NCR1: variants seen among roughly 807,000 people sequenced by gnomAD.
The protein encoded by NCR1 is NK cell-activating receptor.
In NCR1, 30 loss-of-function variants were observed where a neutral mutation model predicts 32.5. The observed-to-expected ratio is 0.92, with a 90% CI of 0.69 to 1.25. The LOEUF is 1.25. Among genes scored for constraint, NCR1 ranks in the 50% most tolerant of loss-of-function variants. The pLI is 0.00. For synonymous variants in NCR1, 169 were observed against 143.4 expected, an observed-to-expected ratio of 1.18 and a Z score of -1.28; for missense variants, 369 against 380.7, an observed-to-expected ratio of 0.97 and a Z score of 0.26.
chr19:54,916,317 C>CTTTTCTTTTTTTTTTTTTTTTTTTTT (rs2068130933), downstream of NCR1, among the ~76,000 whole-genome samples: 1 of 87,124 alleles, frequency 1.1e-5, no homozygotes, highest in African/African-American at 4.5e-5. Context: ...GAATATTGTG[C>CTTTTCTTTTTTTTTTTTTTTTTTTTT]TTTTTTTTTT....
In NCR1 at chr19:54,912,715, C is replaced by T; in HGVS notation, c.759C>T (p.Ala253=). Residue 253 remains alanine (A), a synonymous_variant, in exon 7 of 7, where the codon GCC becomes GCT. Transcript: ENST00000291890. ...QKDHALWDHT[A]QNLLRMGLAF... is the part of the protein sequence containing the mutation. Reference sequence around the variant, plus strand: ...ACCATGCCCTCTGGGATCACACTGCCCAGAATCTCCTTCGGATGGGCCTGG... The same window carrying T: ...ACCATGCCCTCTGGGATCACACTGCTCAGAATCTCCTTCGGATGGGCCTGG... The T allele has an allele frequency of 6.2e-7, 1 of 1,613,472 alleles. No individual in the cohort carries two copies. The highest frequency in any genetic ancestry group is 8.5e-7 in the Non-Finnish European group (1 of 1,179,798).
chr19:54,916,697 GTTCTATT>G (rs2068141757), downstream of NCR1, among the ~76,000 whole-genome samples: 3 of 112,448 alleles, frequency 2.7e-5, no homozygotes, highest in African/African-American at 1.0e-4. Flanking sequence ...GAGATCAACT[GTTCTATT>G]TTTTTTTTTT....
Position 54,912,759 on chromosome 19 carries a change from C to T in NCR1, c.803C>T (p.Ala268Val), listed in dbSNP as rs2068041156. ...GGCCTGGCCTTTCTAGTCCTGGTGG[C>T]TCTAGTGTGGTTCCTGGTTGAAGAC... ...RMGLAFLVLV[A>V]LVWFLVEDWL... The change falls in exon 7 of 7, where the codon GCT becomes GTT. Residue 268 changes from alanine to valine, a missense_variant. Physicochemically the swap from Ala to Val is moderately conservative, Grantham distance 64. Transcript: ENST00000291890. 1 of 1,614,028 alleles carries T rather than the reference C, an allele frequency of 6.2e-7. No individual in the cohort carries two copies. Among genetic ancestry groups the T allele is most frequent in the South Asian group, 1.1e-5 (1 of 91,078 alleles).
the NCR1 span, among the ~76,000 whole-genome samples, chr19:54,923,167 C>A: frequency 6.6e-6 from 1 of 152,204 alleles, no homozygotes; most frequent in Non-Finnish European, 1.5e-5. Context: ...GAAGCCTCCG[C>A]AGGTGCCAGC....
At chr19:54,929,815 A>G in the NCR1 span, among the ~76,000 whole-genome samples, 3,667 of 152,208 alleles carry the variant, frequency 0.024, 163 homozygotes, top group African/African-American at 0.083. Context: ...AGTCTGAGAT[A>G]TTGAAAACAT....
At chr19:54,903,375 CATGTATGTATATACATATATGTAT>C, upstream of NCR1, among the ~76,000 whole-genome samples, 1 of 119,104 alleles carries the variant, frequency 8.4e-6, no homozygotes, top group South Asian at 2.5e-4. Context: ...TGTATATATA[CATGTATGTATATACATATATGTAT>C]ATGTATGTAT....
At chr19:54,922,754 G>A in the NCR1 span, among the ~76,000 whole-genome samples, 2 of 133,390 alleles carry the variant, frequency 1.5e-5, no homozygotes, top group South Asian at 5.0e-4. Context: ...CTCCAGCATG[G>A]GCGACAAGAG....
At chr19:54,925,982 A>C in the NCR1 span, among the ~76,000 whole-genome samples, 3 of 151,906 alleles carry the variant, frequency 2.0e-5, no homozygotes, top group Non-Finnish European at 4.4e-5. Flanking sequence ...CCTGGGCGAC[A>C]GAGACTGGAG....
chr19:54,903,344 A>G (rs1314736234), upstream of NCR1, among the ~76,000 whole-genome samples: 2 of 119,466 alleles, frequency 1.7e-5, no homozygotes, highest in Admixed American at 9.0e-5. Context: ...ATGTATATAC[A>G]TATATGCATA....
chr19:54,902,877 C>T (rs1320628806), upstream of NCR1, among the ~76,000 whole-genome samples: 2 of 152,138 alleles, frequency 1.3e-5, no homozygotes, highest in East Asian at 1.9e-4. Flanking sequence ...CGCCTGTAAT[C>T]CCAGCACTTT....
the NCR1 span, among the ~76,000 whole-genome samples, chr19:54,931,338 C>T: frequency 1.1e-4 from 16 of 152,004 alleles, no homozygotes; most frequent in African/African-American, 3.6e-4. Context: ...GTGGGTGAAT[C>T]ACAAGATCAG....
chr19:54,928,672 G>A, the NCR1 span, among the ~76,000 whole-genome samples: 1 of 152,190 alleles, frequency 6.6e-6, no homozygotes, highest in African/African-American at 2.4e-5. Flanking sequence ...GGTAGATCAT[G>A]AACCAGCATG....
the NCR1 span, chr19:54,934,792 C>T: frequency 1.3e-5 from 9 of 692,790 alleles, no homozygotes; most frequent in African/African-American, 1.1e-4. This position sits in a 1 kb window ranked among gnomAD's most constrained non-coding sequence, Gnocchi z 6.7. Flanking sequence ...TCACTGCAGC[C>T]TCCGCCTCCC....
chr19:54,906,801 G>A lies in NCR1; in HGVS notation c.349G>A (p.Val117Ile). 6.2e-7 allele frequency: 1 copy of A among 1,614,016 alleles called. No individual in the cohort carries two copies. The highest frequency in any genetic ancestry group is 8.5e-7 in the Non-Finnish European group (1 of 1,179,960). The change falls in exon 3 of 7, where the codon GTA (valine) becomes ATA (isoleucine). Residue 117 changes from valine (V) to isoleucine (I), a missense_variant. Val to Ile is a conservative substitution (Grantham distance 29, BLOSUM62 3). Transcript: ENST00000291890. ...GCCCAGCAACTTGCTGGATCTGGTG[G>A]TAACAGGTAACTGTCCGGTTCTCTA... ...SEPSNLLDLV[V>I]TEMYDTPTLS...
the NCR1 span, among the ~76,000 whole-genome samples, chr19:54,900,355 G>C: frequency 3.3e-5 from 5 of 152,178 alleles, no homozygotes; most frequent in Non-Finnish European, 7.3e-5. Flanking sequence ...ACAGTCAAAA[G>C]GGGGTTGTTC....
downstream of NCR1, among the ~76,000 whole-genome samples, chr19:54,918,982 T>TA (rs34795470): frequency 0.022 from 3,001 of 134,156 alleles, 75 homozygotes; most frequent in African/African-American, 0.069. Context: ...AAAACTGTCT[T>TA]AAAAAAAAAA....
downstream of NCR1, among the ~76,000 whole-genome samples, chr19:54,916,700 C>G (rs559798502): frequency 9.4e-6 from 1 of 106,482 alleles, no homozygotes; most frequent in African/African-American, 3.7e-5. Context: ...ATCAACTGTT[C>G]TATTTTTTTT....
rs1270432501 is a variant in NCR1, at chr19:54,910,078, T to A, written c.682+13T>A. ...CCCACCTTTCCTGGTGAGTAACTGG[T>A]CCTTCTAAGCTCAGACGAGCGATCA... On this transcript the variant is annotated intron_variant, in intron 5 of 6. Coordinates refer to ENST00000291890, the MANE Select transcript of NCR1 (RefSeq NM_004829.7). 1 of 1,613,028 alleles carries A rather than the reference T, an allele frequency of 6.2e-7. No individual in the cohort carries two copies. The highest frequency in any genetic ancestry group is 1.7e-5 in the Admixed American group (1 of 59,936).
chr19:54,923,154 T>C, the NCR1 span, among the ~76,000 whole-genome samples: 1 of 152,226 alleles, frequency 6.6e-6, no homozygotes, highest in South Asian at 2.1e-4. Context: ...GAGCTGTTTC[T>C]GGGAAGCCTC....
Sources: allele counts gnomAD v4.1 joint callset (sites outside exome capture counted in the v4.1 genomes callset), GRCh38; gene constraint gnomAD v4.1.1; non-coding constraint Gnocchi (gnomAD v3.1); transcripts MANE v1.5; gene names NCBI Gene and HGNC (gene_info 2026-07-23, HGNC 2026-07-21).